CAPZA1: variants seen among roughly 807,000 people sequenced by gnomAD.
CAPZA1 encodes the protein F-actin-capping protein subunit alpha-1.
A neutral mutation model predicts 40.8 loss-of-function variants in CAPZA1; 10 were observed. The observed-to-expected ratio is 0.25, with a 90% CI of 0.15 to 0.42. The LOEUF (loss-of-function observed/expected upper bound fraction) is 0.42. Ranked by LOEUF, CAPZA1 falls within the 10% of genes least tolerant of loss-of-function variation. The pLI is 1.00. For missense variants in CAPZA1, 277 were observed against 353.8 expected, an observed-to-expected ratio of 0.78 and a Z score of 1.74; for synonymous variants, 98 against 115.0, an observed-to-expected ratio of 0.85 and a Z score of 0.95.
chr1:112,669,129 G>C (rs1010948308), intron 8 of CAPZA1, among the ~76,000 whole-genome samples: 1 of 152,216 alleles, frequency 6.6e-6, no homozygotes, highest in Non-Finnish European at 1.5e-5. Flanking sequence ...GTATATGACT[G>C]ATGTGTCCAA....
At chr1:112,665,076 T>G (rs1056705820) in intron 7 of CAPZA1, among the ~76,000 whole-genome samples, 1 of 152,188 alleles carries the variant, frequency 6.6e-6, no homozygotes, top group Non-Finnish European at 1.5e-5. Context: ...AAGATTACTG[T>G]TCTTCTCTTT....
chr1:112,640,381 C>T (rs1351948498), intron 1 of CAPZA1, among the ~76,000 whole-genome samples: 7 of 120,046 alleles, frequency 5.8e-5, no homozygotes, highest in Admixed American at 4.4e-4. Context: ...AGCCCCCCAC[C>T]CGGCCAGCCG....
chr1:112,667,381 T>C (rs934353947), intron 8 of CAPZA1, among the ~76,000 whole-genome samples: 1 of 152,218 alleles, frequency 6.6e-6, no homozygotes, highest in South Asian at 2.1e-4. Flanking sequence ...GCTCTCTCAA[T>C]TGTAATAGTT....
At chr1:112,628,324 C>A (rs1299775974) in intron 1 of CAPZA1, among the ~76,000 whole-genome samples, 1 of 152,170 alleles carries the variant, frequency 6.6e-6, no homozygotes, top group Non-Finnish European at 1.5e-5. Flanking sequence ...TCTTAGTCCT[C>A]TGCTTATTTA....
intron 1 of CAPZA1, among the ~76,000 whole-genome samples, chr1:112,629,874 C>T (rs1053014570): frequency 3.3e-5 from 5 of 152,120 alleles, no homozygotes; most frequent in Admixed American, 2.0e-4. Flanking sequence ...CCTTTCCTCC[C>T]TTCCACCCTA....
Position 112,644,005 on chromosome 1 carries a change from C to T in CAPZA1, c.40-3205C>T, listed in dbSNP as rs576062799. Among the ~76,000 whole-genome samples the T allele has an allele frequency of 4.7e-4, 71 of 151,806 alleles. No individual in the cohort carries two copies. In the South Asian group the frequency reaches 9.0e-3, roughly 19 times the overall value. ...GATTACAGGTGTGTGCCACCATGCC[C>T]GGCTAAGTTTTGTATTTTTAGTAGA... On this transcript the variant is annotated intron_variant, in intron 1 of 9. Coordinates refer to ENST00000263168, the MANE Select transcript of CAPZA1 (RefSeq NM_006135.3).
At chr1:112,629,393 C>T in intron 1 of CAPZA1, among the ~76,000 whole-genome samples, 1 of 152,138 alleles carries the variant, frequency 6.6e-6, no homozygotes, top group East Asian at 1.9e-4. Context: ...TAGCATTTAT[C>T]ACTTGCCAGG....
At chr1:112,659,362 G>T (rs1671558046) in intron 6 of CAPZA1, 2 of 535,064 alleles carry the variant, frequency 3.7e-6, no homozygotes, top group Non-Finnish European at 6.6e-6. Context: ...TAGGGTTACT[G>T]CTACTTGAGT....
At chr1:112,649,294 T>C in intron 2 of CAPZA1, 124 bp from the exon 3 acceptor site, 2 of 667,780 alleles carry the variant, frequency 3.0e-6, no homozygotes, top group Non-Finnish European at 5.3e-6. Flanking sequence ...TTAGAATTTC[T>C]ACTCATATAG....
rs371240455 is a variant in CAPZA1, at chr1:112,670,247, A to G, written c.*115A>G. 1.6e-6 allele frequency: 2 copies of G among 1,227,968 alleles called. No homozygotes were observed. The allele number at this position is 1,227,968 out of a possible 1,614,324, so 76.1% of individuals were successfully genotyped here. The stretch of plus-strand genomic sequence containing the variant: ...TATTTTGCTAGGGCTTTCAAAGTTA[A>G]CCGGTTTTCTAGCCTCATGGAATAC... On this transcript the variant is annotated 3_prime_UTR_variant, in exon 10 of 10. Coordinates refer to ENST00000263168, the MANE Select transcript of CAPZA1 (RefSeq NM_006135.3).
At chr1:112,666,824 A>C (rs768245118) in intron 7 of CAPZA1, 1 of 439,668 alleles carries the variant, frequency 2.3e-6, no homozygotes, top group Non-Finnish European at 4.0e-6. Flanking sequence ...GAATGTGAAA[A>C]GCATGTAATA....
intron 8 of CAPZA1, among the ~76,000 whole-genome samples, 155 bp from the exon 9 acceptor site, chr1:112,669,385 AGTT>A (rs1251508983): frequency 6.6e-6 from 1 of 152,172 alleles, no homozygotes; most frequent in African/African-American, 2.4e-5. Context: ...TCTTCCATAG[AGTT>A]GTTGTGAGAA....
intron 1 of CAPZA1, among the ~76,000 whole-genome samples, chr1:112,624,678 T>C (rs1029391481): frequency 4.7e-5 from 7 of 150,058 alleles, no homozygotes; most frequent in East Asian, 2.0e-4. Context: ...GTGTTAGATA[T>C]GGCCTTTCCC....
At chr1:112,664,156 C>T (rs1430369319) in intron 7 of CAPZA1, among the ~76,000 whole-genome samples, 3 of 150,708 alleles carry the variant, frequency 2.0e-5, no homozygotes, top group Non-Finnish European at 4.4e-5. Flanking sequence ...TGCTTGAACC[C>T]AGGAGGCAGA....
intron 2 of CAPZA1, 129 bp downstream of exon 2, chr1:112,647,402 A>G: frequency 2.1e-6 from 1 of 487,184 alleles, no homozygotes; most frequent in Non-Finnish European, 3.5e-6. Context: ...AAATTGAAAT[A>G]ACTTGTCCAA....
chr1:112,669,634 G>C, intron 9 of CAPZA1, 29 bp downstream of exon 9: 1 of 1,445,080 alleles, frequency 6.9e-7, no homozygotes, highest in East Asian at 2.3e-5. Flanking sequence ...AATTTTCCTA[G>C]ATCTACTATC....
intron 1 of CAPZA1, among the ~76,000 whole-genome samples, chr1:112,628,653 A>G (rs1171465862): frequency 6.6e-6 from 1 of 152,232 alleles, no homozygotes; most frequent in Non-Finnish European, 1.5e-5. Context: ...TTTTTCCTCT[A>G]GATAGGTTCA....
At chr1:112,659,900 T>C in intron 7 of CAPZA1, 121 bp downstream of exon 7, 1 of 698,596 alleles carries the variant, frequency 1.4e-6, no homozygotes, top group Middle Eastern at 2.7e-4. Context: ...TGGCAGTGAA[T>C]AGAAATAGAA....
At chr1:112,623,271 A>C (rs1670721956) in intron 1 of CAPZA1, among the ~76,000 whole-genome samples, 1 of 152,254 alleles carries the variant, frequency 6.6e-6, no homozygotes, top group Admixed American at 6.5e-5. Context: ...CAAGCCCTAA[A>C]GATTGTTTGG....
Sources: allele counts gnomAD v4.1 joint callset (sites outside exome capture counted in the v4.1 genomes callset), GRCh38; gene constraint gnomAD v4.1.1; transcripts MANE v1.5; gene names NCBI Gene and HGNC (gene_info 2026-07-23, HGNC 2026-07-21).